Variants in GPHN observed in about 807,000 individuals in gnomAD.
GPHN encodes the protein gephyrin.
GPHN carries 17 observed loss-of-function variants against 95.5 expected under a neutral mutation model. The ratio of observed to expected loss-of-function variants is 0.18; its 90% CI spans 0.12 to 0.27. GPHN has a LOEUF of 0.27. Among genes scored for constraint, GPHN ranks in the 10% least tolerant of loss-of-function variants. The pLI is 1.00. For missense variants in GPHN, 660 were observed against 978.1 expected, an observed-to-expected ratio of 0.67 and a Z score of 4.34; for synonymous variants, 320 against 322.5, an observed-to-expected ratio of 0.99 and a Z score of 0.08.
chr14:67,343,807 T>A, the GPHN span, among the ~76,000 whole-genome samples: 1 of 152,218 alleles, frequency 6.6e-6, no homozygotes. Flanking sequence ...AGTGAGCTAT[T>A]ACTGTGCCAC....
chr14:67,583,920 G>A, the GPHN span: 12 of 1,611,838 alleles, frequency 7.4e-6, no homozygotes, highest in Middle Eastern at 1.7e-4. Context: ...AAGTCACTGT[G>A]GGGAGGTCTC....
At chr14:66,785,577 A>G (rs759576936) in intron 3 of GPHN, among the ~76,000 whole-genome samples, 31 of 151,920 alleles carry the variant, frequency 2.0e-4, no homozygotes, top group Non-Finnish European at 4.1e-4. Flanking sequence ...AAATTAAACA[A>G]CACACATTTT....
At chr14:67,062,464 G>C (rs2075863337) in intron 11 of GPHN, among the ~76,000 whole-genome samples, 1 of 152,324 alleles carries the variant, frequency 6.6e-6, no homozygotes, top group Non-Finnish European at 1.5e-5. Context: ...CCATGCATTT[G>C]AAGCTGTGAC....
At chr14:67,319,031 C>T in the GPHN span, among the ~76,000 whole-genome samples, 1 of 150,536 alleles carries the variant, frequency 6.6e-6, no homozygotes, top group South Asian at 2.1e-4. Context: ...GCACTCCAGC[C>T]TGGGCGACAG....
At chr14:66,559,511 G>C (rs1384105786) in intron 1 of GPHN, among the ~76,000 whole-genome samples, 1 of 151,006 alleles carries the variant, frequency 6.6e-6, no homozygotes, top group African/African-American at 2.5e-5. Flanking sequence ...ATTTTTTCAT[G>C]TGTTTTTTGG....
At chr14:66,844,184 T>C (rs2062219631) in intron 4 of GPHN, among the ~76,000 whole-genome samples, 2 of 152,194 alleles carry the variant, frequency 1.3e-5, no homozygotes, top group Non-Finnish European at 2.9e-5. Flanking sequence ...GTAATACCAG[T>C]TCTTTAGAGA....
chr14:66,896,910 T>C (rs944563361), intron 5 of GPHN, among the ~76,000 whole-genome samples: 23 of 152,218 alleles, frequency 1.5e-4, no homozygotes, highest in African/African-American at 5.1e-4. Flanking sequence ...AATTTTCCCA[T>C]AGAACACTGC....
intron 11 of GPHN, among the ~76,000 whole-genome samples, chr14:67,072,712 T>C (rs2076355501): frequency 6.6e-6 from 1 of 152,128 alleles, no homozygotes. Flanking sequence ...ATGGAATTTA[T>C]TGACTATTTT....
chr14:67,632,808 ATTTTTTTTTTTT>A, the GPHN span, among the ~76,000 whole-genome samples: 52 of 62,420 alleles, frequency 8.3e-4, no homozygotes, highest in South Asian at 1.8e-3. Flanking sequence ...AAGCCTCTTA[ATTTTTTTTTTTT>A]TTTTTTTTTT....
At chr14:67,393,352 C>G in the GPHN span, 1 of 777,250 alleles carries the variant, frequency 1.3e-6, no homozygotes, top group South Asian at 1.4e-5. Context: ...TGGTGTGACA[C>G]ACATCACAAA....
At chr14:66,523,027 T>G (rs1340464404) in intron 1 of GPHN, among the ~76,000 whole-genome samples, 2 of 152,114 alleles carry the variant, frequency 1.3e-5, no homozygotes, top group African/African-American at 2.4e-5. Flanking sequence ...CTCTAAAATT[T>G]TATTAATCCT....
At chr14:66,824,641 A>T in intron 4 of GPHN, 75 bp downstream of exon 4, 1 of 706,774 alleles carries the variant, frequency 1.4e-6, no homozygotes, top group Non-Finnish European at 2.5e-6. Context: ...TACTATATTT[A>T]TATTATTTTT....
At chr14:67,246,376 ACT>A in the GPHN span, among the ~76,000 whole-genome samples, 2 of 150,652 alleles carry the variant, frequency 1.3e-5, no homozygotes, top group African/African-American at 4.9e-5. Flanking sequence ...ACAGGGTCTC[ACT>A]CTGTCACCCA....
the GPHN span, among the ~76,000 whole-genome samples, chr14:67,723,677 C>T: frequency 1.3e-5 from 2 of 152,196 alleles, no homozygotes; most frequent in African/African-American, 2.4e-5. Context: ...GTTTTCTCTA[C>T]TGTAATGTGG....
At chr14:67,594,158 C>T in the GPHN span, among the ~76,000 whole-genome samples, 1 of 152,198 alleles carries the variant, frequency 6.6e-6, no homozygotes, top group Non-Finnish European at 1.5e-5. Flanking sequence ...TCACAGCAAT[C>T]TCAGAAATTT....
chr14:67,656,526 G>C, the GPHN span: 3 of 1,613,774 alleles, frequency 1.9e-6, no homozygotes, highest in African/African-American at 4.0e-5. Flanking sequence ...TCAATACTTT[G>C]GGTGGCCCGG....
At chr14:67,085,467 C>G (rs1432550772) in intron 11 of GPHN, among the ~76,000 whole-genome samples, 2 of 152,172 alleles carry the variant, frequency 1.3e-5, no homozygotes, top group Admixed American at 6.5e-5. Context: ...ATGTGCATTT[C>G]AAGACACTGT....
At chr14:67,184,471 C>T (rs117713433), downstream of GPHN, among the ~76,000 whole-genome samples, 1,833 of 152,026 alleles carry the variant, frequency 0.012, 18 homozygotes, top group Non-Finnish European at 0.018. Context: ...GTGATGGGAA[C>T]GTCCGAACAG....
intron 19 of GPHN, among the ~76,000 whole-genome samples, chr14:67,163,278 C>G (rs1376720408): frequency 1.3e-5 from 2 of 152,000 alleles, no homozygotes; most frequent in African/African-American, 4.8e-5. Flanking sequence ...TGCACTCCAG[C>G]ATGGGTGACA....
Sources: gnomAD v4.1 joint callset for allele counts (sites outside exome capture counted in the v4.1 genomes callset) on GRCh38, gnomAD v4.1.1 for gene constraint, MANE v1.5 for transcripts, NCBI Gene and HGNC (gene_info 2026-07-23, HGNC 2026-07-21) for gene names.